Variants in R3HDM1 observed in about 807,000 individuals in gnomAD.
The protein encoded by R3HDM1 is R3H domain-containing protein 1.
Under a neutral mutation model 141.1 loss-of-function variants are expected in R3HDM1, and 46 were observed. The ratio of observed to expected loss-of-function variants is 0.33; its 90% CI spans 0.26 to 0.42. The LOEUF is 0.42. Among genes scored for constraint, R3HDM1 ranks in the 10% least tolerant of loss-of-function variants. The probability of loss-of-function intolerance (pLI) is 1.00; values close to 1 mark genes in which losing one functional copy is unlikely to be tolerated. For missense variants in R3HDM1, 1,184 were observed against 1,368.3 expected (o/e 0.87, Z 2.12); for synonymous variants, 435 against 472.9 (o/e 0.92, Z 1.04).
chr2:135,642,444 T>C (rs946118515), intron 15 of R3HDM1, among the ~76,000 whole-genome samples: 5 of 152,192 alleles, frequency 3.3e-5, no homozygotes, highest in African/African-American at 1.2e-4. Context: ...GAAATCCTCA[T>C]TTACAGATAA....
In R3HDM1 at chr2:135,715,600, A is replaced by G; in HGVS notation, c.2787A>G (p.Ala929=). The G allele has an allele frequency of 1.2e-6, 2 of 1,614,122 alleles. No individual in the cohort carries two copies. Among genetic ancestry groups the G allele is most frequent in the Non-Finnish European group, 1.7e-6 (2 of 1,179,972 alleles). The change falls in exon 24 of 27, where the codon GCA becomes GCG. Residue 929 remains alanine (A), a synonymous_variant. Transcript: ENST00000683871. The part of the protein sequence containing the change: ...SPIISPAQSP[A]PAQLSTLKTV... ...TTATTTCACCAGCTCAGTCGCCAGC[A>G]CCAGCTCAGCTGTCCACCCTGAAAA...
At chr2:135,664,656 T>G (rs2067229604) in intron 19 of R3HDM1, among the ~76,000 whole-genome samples, 1 of 152,240 alleles carries the variant, frequency 6.6e-6, no homozygotes, top group Non-Finnish European at 1.5e-5. Flanking sequence ...TGTGTCCCAG[T>G]GGACCACAAC....
At chr2:135,584,311 GAAC>G (rs1308504630) in intron 1 of R3HDM1, 1 of 828,994 alleles carries the variant, frequency 1.2e-6, no homozygotes, top group Non-Finnish European at 1.5e-6. Flanking sequence ...CTGGGTGACA[GAAC>G]GAGATTCCGT....
At chr2:135,677,385 A>C (rs192216484) in intron 20 of R3HDM1, among the ~76,000 whole-genome samples, 2 of 152,094 alleles carry the variant, frequency 1.3e-5, no homozygotes, top group African/African-American at 2.4e-5. Context: ...CTGTTTCCCC[A>C]TAGTTAAGCA....
intron 1 of R3HDM1, among the ~76,000 whole-genome samples, chr2:135,569,712 T>G (rs1040764482): frequency 7.3e-5 from 11 of 149,960 alleles, no homozygotes; most frequent in African/African-American, 2.8e-4. Context: ...TTTCATATAG[T>G]AAGCTCTTTT....
At chr2:135,656,840 T>A (rs1340665551) in intron 18 of R3HDM1, among the ~76,000 whole-genome samples, 1 of 152,192 alleles carries the variant, frequency 6.6e-6, no homozygotes, top group Non-Finnish European at 1.5e-5. Context: ...ACGCCTGTAA[T>A]CCCAGCACTT....
chr2:135,630,281 CAAAAAAAAAAAAAAAAAAA>C (rs911009655), intron 7 of R3HDM1, among the ~76,000 whole-genome samples: 5 of 39,298 alleles, frequency 1.3e-4, no homozygotes, highest in Non-Finnish European at 2.5e-4. Context: ...CCTTCTCAAC[CAAAAAAAAAAAAAAAAAAA>C]AAAAAAAACA....
intron 19 of R3HDM1, among the ~76,000 whole-genome samples, chr2:135,664,807 A>C (rs1213978632): frequency 6.6e-6 from 1 of 152,254 alleles, no homozygotes; most frequent in Non-Finnish European, 1.5e-5. Flanking sequence ...GGCTACACAC[A>C]TAAGACTTTC....
chr2:135,697,114 A>G (rs1022776802), intron 21 of R3HDM1, among the ~76,000 whole-genome samples: 11 of 152,362 alleles, frequency 7.2e-5, no homozygotes, highest in South Asian at 2.1e-4. Context: ...AGCCTGACCA[A>G]CATAGTGAAG....
chr2:135,624,122 G>A (rs188879433), intron 7 of R3HDM1, among the ~76,000 whole-genome samples: 2 of 152,296 alleles, frequency 1.3e-5, no homozygotes, highest in African/African-American at 4.8e-5. Context: ...AAGGTCGGGC[G>A]CAGTGGCTCA....
chr2:135,670,141 A>G, intron 19 of R3HDM1: 1 of 224,098 alleles, frequency 4.5e-6, no homozygotes, highest in Non-Finnish European at 6.4e-6. Context: ...TCAGTCTCAA[A>G]AAAAAAAAAA....
At chr2:135,579,433 A>C (rs1706243211) in intron 1 of R3HDM1, among the ~76,000 whole-genome samples, 1 of 152,176 alleles carries the variant, frequency 6.6e-6, no homozygotes. Flanking sequence ...AGAAATAAAA[A>C]CCATCATTAG....
At chr2:135,642,233 T>C (rs2063868250) in intron 15 of R3HDM1, among the ~76,000 whole-genome samples, 1 of 152,146 alleles carries the variant, frequency 6.6e-6, no homozygotes, top group East Asian at 1.9e-4. Context: ...AAAATAATTA[T>C]CTTTCAGAAT....
At chr2:135,583,667 G>A (rs1410696092) in intron 1 of R3HDM1, 5 of 901,534 alleles carry the variant, frequency 5.5e-6, no homozygotes, top group Non-Finnish European at 6.6e-6. Flanking sequence ...GATGGCCCTT[G>A]GCTATAGTAA....
At chr2:135,683,653 A>G (rs2070752902) in intron 21 of R3HDM1, among the ~76,000 whole-genome samples, 1 of 152,152 alleles carries the variant, frequency 6.6e-6, no homozygotes, top group Non-Finnish European at 1.5e-5. Context: ...TTCTTTACAG[A>G]AAATGTCATT....
intron 25 of R3HDM1, 149 bp from the exon 26 acceptor site, chr2:135,722,320 C>A: frequency 2.6e-6 from 2 of 778,242 alleles, no homozygotes; most frequent in African/African-American, 1.8e-5. Flanking sequence ...GCCACTGCCA[C>A]AGGCAGAATC....
intron 1 of R3HDM1, among the ~76,000 whole-genome samples, chr2:135,566,303 A>G (rs1299547244): frequency 6.6e-6 from 1 of 152,188 alleles, no homozygotes; most frequent in Non-Finnish European, 1.5e-5. Flanking sequence ...CTTTAAAAAA[A>G]CTTGGCAATT....
At chr2:135,722,071 G>A in intron 25 of R3HDM1, 65 bp downstream of exon 25, 1 of 1,500,308 alleles carries the variant, frequency 6.7e-7, no homozygotes, top group Non-Finnish European at 9.3e-7. Flanking sequence ...AGAGTGTAAG[G>A]GGCAACCCTG....
rs1181937151 is a variant in R3HDM1 at position 135,596,911 on chromosome 2, A to G, written c.-249-5589A>G. On this transcript the variant is annotated intron_variant, in intron 1 of 26. Coordinates refer to ENST00000683871, the MANE Select transcript of R3HDM1 (RefSeq NM_001378107.1). ...AGGCGTTTCCTTAGGGTGTATCTACACCAGAAGTGGAAATGTGGAGTCATA... is the reference window on the plus strand; with the variant it reads ...AGGCGTTTCCTTAGGGTGTATCTACGCCAGAAGTGGAAATGTGGAGTCATA... The G allele has an allele frequency of 4.7e-6, 3 of 642,684 alleles. No homozygotes were observed. In the African/African-American group the frequency reaches 6.0e-5, roughly 13 times the overall value. 39.8% of individuals were successfully genotyped at this position (642,684 alleles called of 1,614,324 possible).
Sources: gnomAD v4.1 joint callset for allele counts (sites outside exome capture counted in the v4.1 genomes callset) on GRCh38, gnomAD v4.1.1 for gene constraint, MANE v1.5 for transcripts, NCBI Gene and HGNC (gene_info 2026-07-23, HGNC 2026-07-21) for gene names.